The following GOLGA1 variants were observed in gnomAD, a reference collection of about 807,000 sequenced individuals.
GOLGA1 encodes golgin A1.
GOLGA1 carries 63 observed loss-of-function variants against 119.7 expected under a neutral mutation model. The ratio of observed to expected loss-of-function variants is 0.53; its 90% CI spans 0.43 to 0.65. GOLGA1 has a LOEUF of 0.65. GOLGA1 is among the 30% of genes least tolerant of loss of function. The pLI is 0.00. For synonymous variants in GOLGA1, 318 were observed against 333.4 expected (o/e 0.95, Z 0.50); for missense variants, 798 against 912.8 (o/e 0.87, Z 1.62).
intron 10 of GOLGA1, among the ~76,000 whole-genome samples, chr9:124,912,314 A>G (rs1228092187): frequency 6.6e-6 from 1 of 152,236 alleles, no homozygotes; most frequent in African/African-American, 2.4e-5. Context: ...AGGCAGCAGA[A>G]CTAATCCCAC....
At chr9:124,913,418 T>G (rs964963215) in intron 10 of GOLGA1, among the ~76,000 whole-genome samples, 1 of 152,196 alleles carries the variant, frequency 6.6e-6, no homozygotes, top group Non-Finnish European at 1.5e-5. Context: ...GACTTGTACC[T>G]CTTTACATGT....
intron 19 of GOLGA1, chr9:124,887,654 G>A: frequency 6.5e-6 from 1 of 153,094 alleles, no homozygotes; most frequent in Non-Finnish European, 1.5e-5. Context: ...CAATTTGGGG[G>A]CAGAATGTCA....
chr9:124,944,589 T>C (rs1831113214), upstream of GOLGA1: 1 of 151,952 alleles, frequency 6.6e-6, no homozygotes, highest in South Asian at 2.1e-4. Flanking sequence ...TAAGCAATTT[T>C]TCCTGCAGAT....
chr9:124,893,608 G>T (rs1199111417), intron 15 of GOLGA1, among the ~76,000 whole-genome samples: 1 of 152,110 alleles, frequency 6.6e-6, no homozygotes, highest in East Asian at 1.9e-4. Flanking sequence ...ATGGGGTGCT[G>T]GTTACTTCCC....
At chr9:124,902,711 G>C (rs937413299) in intron 12 of GOLGA1, among the ~76,000 whole-genome samples, 2 of 151,792 alleles carry the variant, frequency 1.3e-5, no homozygotes, top group African/African-American at 4.8e-5. Flanking sequence ...GGATGGTCTC[G>C]ATCTCCTGAC....
intron 15 of GOLGA1, among the ~76,000 whole-genome samples, chr9:124,893,101 G>C (rs1228208601): frequency 6.6e-6 from 1 of 152,148 alleles, no homozygotes; most frequent in African/African-American, 2.4e-5. Flanking sequence ...CTAGGCTCAA[G>C]AGAGCGTCCT....
chr9:124,907,346 A>G (rs978916507), intron 12 of GOLGA1, among the ~76,000 whole-genome samples: 2 of 152,238 alleles, frequency 1.3e-5, no homozygotes, highest in African/African-American at 4.8e-5. Context: ...TTGTAAGTGA[A>G]TTAGAGATTT....
chr9:124,915,319 G>A (rs7854897), intron 10 of GOLGA1, among the ~76,000 whole-genome samples: 5,056 of 152,240 alleles, frequency 0.033, 250 homozygotes, highest in East Asian at 0.23. Context: ...GTGAGGACTC[G>A]ATGAGTCCCT....
chr9:124,903,893 C>CA, intron 12 of GOLGA1, among the ~76,000 whole-genome samples: 1 of 151,710 alleles, frequency 6.6e-6, no homozygotes, highest in Middle Eastern at 3.4e-3. Flanking sequence ...TACTAAAATG[C>CA]AAAAAATTAG....
intron 12 of GOLGA1, among the ~76,000 whole-genome samples, chr9:124,907,321 A>C (rs537908787): frequency 1.3e-5 from 2 of 152,342 alleles, no homozygotes; most frequent in Non-Finnish European, 2.9e-5. Context: ...ACCTAAGACC[A>C]TACAGAAAGA....
At chr9:124,931,158 A>G (rs1483149202) in intron 4 of GOLGA1, among the ~76,000 whole-genome samples, 158 bp downstream of exon 4, 9 of 152,208 alleles carry the variant, frequency 5.9e-5, no homozygotes, top group Admixed American at 5.9e-4. Flanking sequence ...ACTATTTACT[A>G]CACTAACAAA....
intron 11 of GOLGA1, among the ~76,000 whole-genome samples, chr9:124,910,357 G>A (rs1290504820): frequency 3.3e-5 from 5 of 152,252 alleles, no homozygotes; most frequent in South Asian, 2.1e-4. Flanking sequence ...GAGCCACCAC[G>A]CCTGGCCTAG....
chr9:124,882,416 A>C, intron 20 of GOLGA1, 94 bp downstream of exon 20: 1 of 856,588 alleles, frequency 1.2e-6, no homozygotes, highest in Non-Finnish European at 1.9e-6. Context: ...GGGTGGAGGG[A>C]GCATAGTCAG....
chr9:124,893,362 A>T (rs1036921255), intron 15 of GOLGA1, among the ~76,000 whole-genome samples: 1 of 152,188 alleles, frequency 6.6e-6, no homozygotes, highest in African/African-American at 2.4e-5. Context: ...CTGAAATTTT[A>T]AATTTTGTCT....
chr9:124,945,802 G>T (rs1831136215), upstream of GOLGA1: 2 of 152,050 alleles, frequency 1.3e-5, no homozygotes, highest in Non-Finnish European at 2.9e-5. Context: ...TCAAAACTCA[G>T]TGAAGCTGGA....
At chr9:124,918,301 A>G (rs1830492630) in intron 10 of GOLGA1, among the ~76,000 whole-genome samples, 1 of 152,190 alleles carries the variant, frequency 6.6e-6, no homozygotes, top group South Asian at 2.1e-4. Context: ...AACTGTATCT[A>G]TTTTGCTCAC....
intron 12 of GOLGA1, among the ~76,000 whole-genome samples, chr9:124,904,412 T>C (rs1028926000): frequency 3.3e-5 from 5 of 152,172 alleles, no homozygotes; most frequent in Non-Finnish European, 5.9e-5. Context: ...AGAAACAGAA[T>C]TGAAATTATA....
chr9:124,928,627 C>G (rs1266568383), intron 5 of GOLGA1, among the ~76,000 whole-genome samples: 2 of 152,100 alleles, frequency 1.3e-5, no homozygotes, highest in Non-Finnish European at 2.9e-5. Context: ...TAAGTGATGG[C>G]TACTACCACT....
chr9:124,915,681 C>G (rs1830425113), intron 10 of GOLGA1, among the ~76,000 whole-genome samples: 1 of 152,086 alleles, frequency 6.6e-6, no homozygotes, highest in Admixed American at 6.6e-5. Context: ...GAGATCTTTT[C>G]TCTACAAAAG....
Sources: gnomAD v4.1 joint callset for allele counts (sites outside exome capture counted in the v4.1 genomes callset) on GRCh38, gnomAD v4.1.1 for gene constraint, MANE v1.5 for transcripts, NCBI Gene and HGNC (gene_info 2026-07-23, HGNC 2026-07-21) for gene names.